PCM1: variants seen among roughly 807,000 people sequenced by gnomAD.
PCM1 encodes pericentriolar material 1.
PCM1 carries 157 observed loss-of-function variants against 241.9 expected under a neutral mutation model. The ratio of observed to expected loss-of-function variants is 0.65; its 90% confidence interval spans 0.57 to 0.74. The LOEUF (loss-of-function observed/expected upper bound fraction) is 0.74. Ranked by LOEUF, PCM1 falls within the 30% of genes least tolerant of loss-of-function variation. The probability of loss-of-function intolerance (pLI) is 0.00; values close to 1 mark genes in which losing one functional copy is unlikely to be tolerated. For missense variants in PCM1, 3,478 were observed against 2,360.1 expected, an observed-to-expected ratio of 1.47 and a Z score of -9.81; for synonymous variants, 1,085 against 784.9, an observed-to-expected ratio of 1.38 and a Z score of -6.39.
At chr8:17,969,550 C>A in intron 21 of PCM1, 27 bp from the exon 22 acceptor site, 1 of 1,464,896 alleles carries the variant, frequency 6.8e-7, no homozygotes, top group Non-Finnish European at 9.3e-7. Context: ...ATTTATTTTT[C>A]TCTTACCCAT....
At chr8:17,998,329 G>T (rs2087779327) in intron 29 of PCM1, among the ~76,000 whole-genome samples, 1 of 152,156 alleles carries the variant, frequency 6.6e-6, no homozygotes, top group East Asian at 1.9e-4. Flanking sequence ...GCTTGTTTGT[G>T]CCCATTCTTC....
chr8:17,956,314 G>T (rs2068456718), intron 10 of PCM1, among the ~76,000 whole-genome samples: 1 of 152,054 alleles, frequency 6.6e-6, no homozygotes, highest in Non-Finnish European at 1.5e-5. Context: ...TTGACATCAG[G>T]TTTTCTGCTA....
Position 17,980,700 on chromosome 8 carries a change from T to C in PCM1, c.4053T>C (p.Asn1351=). The C allele has an allele frequency of 6.2e-7, 1 of 1,612,970 alleles. No individual in the cohort carries two copies. ...PVQAKVFSRK[N]HEQLEKIIKC... ...AAGCAAAAGTATTCAGCAGAAAGAATCATGAGCAACTGGAAAAAATAATAA... is the reference window on the plus strand; with the variant it reads ...AAGCAAAAGTATTCAGCAGAAAGAACCATGAGCAACTGGAAAAAATAATAA... The change falls in exon 24 of 39, where the codon AAT becomes AAC. Residue 1351 remains asparagine, a synonymous_variant. Transcript: ENST00000325083.
intron 24 of PCM1, chr8:17,983,361 C>A: frequency 1.2e-6 from 1 of 868,298 alleles, no homozygotes; most frequent in Non-Finnish European, 1.6e-6. Flanking sequence ...GTTTTATTGT[C>A]CTGATTTTTT....
At chr8:17,948,153 A>G (rs951805389) in intron 7 of PCM1, among the ~76,000 whole-genome samples, 2 of 152,128 alleles carry the variant, frequency 1.3e-5, no homozygotes, top group Non-Finnish European at 2.9e-5. Flanking sequence ...CGAGTGAGTT[A>G]GGTTCTCACT....
chr8:17,989,587 A>G (rs1000264892), intron 26 of PCM1, among the ~76,000 whole-genome samples: 1 of 152,036 alleles, frequency 6.6e-6, no homozygotes, highest in African/African-American at 2.4e-5. Flanking sequence ...AACTTTGCCA[A>G]ATTAGAATTT....
At chr8:17,940,184 T>C in intron 6 of PCM1, 1 of 1,193,132 alleles carries the variant, frequency 8.4e-7, no homozygotes. Flanking sequence ...GTAATTAAAG[T>C]GCTGGAAATG....
At position 18,011,753 on chromosome 8, in the gene PCM1, G is replaced by C. The variant is rs982423053; in HGVS notation, c.5437G>C (p.Glu1813Gln). The C allele has an allele frequency of 6.2e-7, 1 of 1,613,648 alleles. No individual in the cohort carries two copies. The highest frequency in any genetic ancestry group is 8.5e-7 in the Non-Finnish European group (1 of 1,179,798). Reference sequence around the variant, plus strand: ...GGATGAAGAAATGGAAGAATTTGAAGAAGGCCCTGTGGATGTCCAGACTTC... The same window carrying C: ...GGATGAAGAAATGGAAGAATTTGAACAAGGCCCTGTGGATGTCCAGACTTC... ...NEDEEMEEFE[E>Q]GPVDVQTSLQ... Residue 1813 changes from glutamate (E) to glutamine (Q), a missense_variant, in exon 34 of 39, where the codon GAA becomes CAA. Coordinates refer to ENST00000325083, the MANE Select transcript of PCM1 (RefSeq NM_006197.4).
chr8:17,960,242 C>T (rs879665125), intron 14 of PCM1, 73 bp from the exon 15 acceptor site: 147 of 1,559,252 alleles, frequency 9.4e-5, no homozygotes, highest in Non-Finnish European at 1.3e-4. Flanking sequence ...CAGCTAGGTA[C>T]TGTGTTATGT....
At chr8:18,023,949 C>A (rs1415448536) in intron 36 of PCM1, among the ~76,000 whole-genome samples, 2 of 152,202 alleles carry the variant, frequency 1.3e-5, no homozygotes, top group African/African-American at 2.4e-5. Flanking sequence ...AATGCTACTC[C>A]ATTTGGCCAC....
chr8:17,980,913 ATAAAAAC>A (rs1161370841), intron 24 of PCM1, among the ~76,000 whole-genome samples, 158 bp downstream of exon 24: 10 of 152,230 alleles, frequency 6.6e-5, no homozygotes, highest in Non-Finnish European at 1.3e-4. Flanking sequence ...ATACTGAAAA[ATAAAAAC>A]TGAAAATATT....
At chr8:18,018,711 T>G (rs1182117529) in intron 36 of PCM1, among the ~76,000 whole-genome samples, 1 of 150,970 alleles carries the variant, frequency 6.6e-6, no homozygotes, top group Admixed American at 6.6e-5. Flanking sequence ...CTCAGGAGAC[T>G]GAGGCAGGAG....
intron 29 of PCM1, among the ~76,000 whole-genome samples, chr8:18,004,965 ATTCAC>A (rs2090830876): frequency 6.6e-6 from 1 of 152,092 alleles, no homozygotes. Context: ...ATCTAGGTAC[ATTCAC>A]TTCACATTAT....
chr8:17,962,775 C>T (rs866542944), intron 16 of PCM1, among the ~76,000 whole-genome samples: 5 of 149,416 alleles, frequency 3.3e-5, no homozygotes, highest in Admixed American at 2.7e-4. Flanking sequence ...TAGTGGTGGG[C>T]GCCTGTAATC....
At position 18,009,633 on chromosome 8, in the gene PCM1, AT is replaced by A; in HGVS notation, c.5051del (p.Leu1684TrpfsTer15). ...VEISEVLFNE[L>X]AFFKLMQDLD... ...AGATATCTGAAGTGTTGTTCAATGA[AT>A]TGGCTTTCTTTAAGCTTATGCAAGA... On this transcript the variant is annotated frameshift_variant, in exon 31 of 39. Transcript: ENST00000325083. LOFTEE classifies it high-confidence loss of function. The A allele has an allele frequency of 6.3e-7, 1 of 1,593,508 alleles. No individual in the cohort carries two copies. The highest frequency in any genetic ancestry group is 8.5e-7 in the Non-Finnish European group (1 of 1,169,730).
At chr8:17,973,787 C>T (rs1415763732) in intron 23 of PCM1, among the ~76,000 whole-genome samples, 6 of 151,744 alleles carry the variant, frequency 4.0e-5, no homozygotes, top group Admixed American at 3.9e-4. Flanking sequence ...GTTTGAAATG[C>T]ATTGCACACT....
In PCM1 at chr8:17,960,434, C is replaced by T; in HGVS notation, c.2312C>T (p.Pro771Leu). 1 of 1,589,996 alleles carries T rather than the reference C, an allele frequency of 6.3e-7. No individual in the cohort carries two copies. The highest frequency in any genetic ancestry group is 8.5e-7 in the Non-Finnish European group (1 of 1,172,054). The change falls in exon 15 of 39, where the codon CCT becomes CTT. Residue 771 changes from proline (P) to leucine (L), a missense_variant. By Grantham distance (98) the Pro-to-Leu change is moderately conservative (BLOSUM62 -3). Transcript: ENST00000325083. The part of the protein sequence containing the change: ...EKIQALQTAC[P>L]DLQLSAASVG... ...ATTCAAGCATTGCAAACGGCATGCC[C>T]TGACTTACAGGTAATTATGAAATTT...
chr8:18,024,697 A>G (rs1055847090), intron 36 of PCM1, among the ~76,000 whole-genome samples: 2 of 152,194 alleles, frequency 1.3e-5, no homozygotes, highest in African/African-American at 4.8e-5. Context: ...GGCTGTGAAG[A>G]TTAATCTGCT....
chr8:18,002,067 T>TTTC (rs2089770193), intron 29 of PCM1, among the ~76,000 whole-genome samples: 1 of 68,860 alleles, frequency 1.5e-5, no homozygotes, highest in Non-Finnish European at 2.5e-5. Context: ...TTTTTTTCTT[T>TTTC]TTTTTTTTTT....
Sources: allele counts gnomAD v4.1 joint callset (sites outside exome capture counted in the v4.1 genomes callset), GRCh38; gene constraint gnomAD v4.1.1; transcripts MANE v1.5; gene names NCBI Gene and HGNC (gene_info 2026-07-23, HGNC 2026-07-21).